Variants in CNTN4 observed in about 807,000 individuals in gnomAD.
CNTN4 encodes contactin-4.
In CNTN4, 77 loss-of-function variants were observed where a neutral mutation model predicts 122.5. That is an observed-to-expected ratio of 0.63 (90% CI 0.52 to 0.76). The LOEUF is 0.76. Among genes scored for constraint, CNTN4 ranks in the 30% least tolerant of loss-of-function variants. The pLI is 0.00. For missense variants in CNTN4, 1,256 were observed against 1,259.1 expected (o/e 1.00, Z 0.04); for synonymous variants, 512 against 447.0 (o/e 1.15, Z -1.83).
At chr3:2,833,323 T>C (rs553579400) in intron 7 of CNTN4, among the ~76,000 whole-genome samples, 1 of 152,302 alleles carries the variant, frequency 6.6e-6, no homozygotes, top group South Asian at 2.1e-4. Context: ...AAATAAACAT[T>C]GTAGCAAATT....
chr3:2,296,371 TCTC>T (rs2042311298), intron 2 of CNTN4, among the ~76,000 whole-genome samples: 1 of 152,166 alleles, frequency 6.6e-6, no homozygotes, highest in African/African-American at 2.4e-5. Flanking sequence ...GGTTTGTAGT[TCTC>T]CTTGAAGAGG....
chr3:3,011,314 A>T (rs1038977013), intron 14 of CNTN4, among the ~76,000 whole-genome samples: 2 of 152,204 alleles, frequency 1.3e-5, no homozygotes, highest in Non-Finnish European at 2.9e-5. Flanking sequence ...AAATCAGCAT[A>T]GCAAACTATC....
chr3:2,356,403 C>G (rs552358871), intron 3 of CNTN4, among the ~76,000 whole-genome samples: 1 of 152,066 alleles, frequency 6.6e-6, no homozygotes, highest in African/African-American at 2.4e-5. Flanking sequence ...AGTTCCTCCC[C>G]TTTTTAGACC....
rs1029886247 is a variant in CNTN4 at position 2,890,691 on chromosome 3, C to T, written c.940+3467C>T. Among the ~76,000 whole-genome samples, 5 of 152,178 alleles carry T rather than the reference C, an allele frequency of 3.3e-5. No homozygotes were observed. The East Asian group carries it at 9.6e-4, about 29-fold the overall frequency. On this transcript the variant is annotated intron_variant, in intron 10 of 24. Coordinates refer to ENST00000418658, the MANE Select transcript of CNTN4 (RefSeq NM_175607.3). ...GTTCCCAGTGTCTGAATAATGGAAGCCCTATTGCCCTTTGGTTTGTCCCTA... is the reference window on the plus strand; with the variant it reads ...GTTCCCAGTGTCTGAATAATGGAAGTCCTATTGCCCTTTGGTTTGTCCCTA...
intron 2 of CNTN4, among the ~76,000 whole-genome samples, chr3:2,227,434 G>A (rs1313730319): frequency 6.6e-6 from 1 of 152,164 alleles, no homozygotes; most frequent in Non-Finnish European, 1.5e-5. Context: ...AATAGTTAGT[G>A]TCCTTTTTCA....
At chr3:2,327,153 T>G (rs72992065) in intron 2 of CNTN4, among the ~76,000 whole-genome samples, 12 of 113,970 alleles carry the variant, frequency 1.1e-4, no homozygotes, top group Admixed American at 1.7e-4. Context: ...GTGTGTGTGT[T>G]TGTGTGTGTG....
intron 3 of CNTN4, among the ~76,000 whole-genome samples, chr3:2,538,404 A>G (rs1335094269): frequency 6.6e-6 from 1 of 152,148 alleles, no homozygotes; most frequent in African/African-American, 2.4e-5. Flanking sequence ...AACATTTCAT[A>G]AACTATTCTT....
chr3:2,587,414 T>A (rs199499066), intron 4 of CNTN4, among the ~76,000 whole-genome samples: 1 of 152,224 alleles, frequency 6.6e-6, no homozygotes, highest in East Asian at 1.9e-4. Context: ...CAAATATTAT[T>A]TGCACACAAA....
chr3:2,386,581 G>A (rs549680529), intron 3 of CNTN4, among the ~76,000 whole-genome samples: 2 of 152,266 alleles, frequency 1.3e-5, no homozygotes, highest in South Asian at 2.1e-4. Context: ...AGACGTTTAT[G>A]TAAGAGAAGC....
intron 3 of CNTN4, among the ~76,000 whole-genome samples, chr3:2,397,876 CT>C (rs1352588093): frequency 5.3e-5 from 8 of 152,090 alleles, no homozygotes; most frequent in Non-Finnish European, 1.5e-5. Flanking sequence ...CCCCAGTGCT[CT>C]TTGACTTAAA....
chr3:2,773,173 A>G (rs1014439894), intron 6 of CNTN4, among the ~76,000 whole-genome samples: 3 of 152,090 alleles, frequency 2.0e-5, no homozygotes, highest in African/African-American at 7.2e-5. Context: ...TAGAGAAAGC[A>G]AGGGTATACC....
At chr3:2,370,981 T>A (rs943823280) in intron 3 of CNTN4, among the ~76,000 whole-genome samples, 2 of 152,212 alleles carry the variant, frequency 1.3e-5, no homozygotes, top group African/African-American at 4.8e-5. Flanking sequence ...GTTCTTGCAT[T>A]GCTTGGCAAT....
At chr3:2,240,256 T>A (rs529865454) in intron 2 of CNTN4, among the ~76,000 whole-genome samples, 2 of 152,300 alleles carry the variant, frequency 1.3e-5, no homozygotes, top group African/African-American at 4.8e-5. Context: ...TAGATATTCA[T>A]TTGAGATATG....
At chr3:2,430,132 TG>T (rs1219595938) in intron 3 of CNTN4, among the ~76,000 whole-genome samples, 1 of 151,866 alleles carries the variant, frequency 6.6e-6, no homozygotes, top group Non-Finnish European at 1.5e-5. Flanking sequence ...CAGTTAGAAA[TG>T]CAGAAATTGG....
At chr3:2,576,266 A>G (rs1277606587) in intron 4 of CNTN4, among the ~76,000 whole-genome samples, 2 of 152,196 alleles carry the variant, frequency 1.3e-5, no homozygotes, top group East Asian at 1.9e-4. Flanking sequence ...GTGCAATTCA[A>G]TAAATATTTT....
rs187928165 is a variant in CNTN4 at position 2,872,993 on chromosome 3, T to C, written c.652+6044T>C. Among the ~76,000 whole-genome samples, 6 of 152,290 alleles carry C rather than the reference T, an allele frequency of 3.9e-5. No individual in the cohort carries two copies. In the East Asian group the frequency reaches 7.7e-4, roughly 20 times the overall value. ...ATAAGAGCAGCATTGAAGTATTTAA[T>C]CTTCTCATCTTAAATCAAGCTTTCA... is the stretch of plus-strand genomic sequence containing the variant. On this transcript the variant is annotated intron_variant, in intron 8 of 24. Coordinates refer to ENST00000418658, the MANE Select transcript of CNTN4 (RefSeq NM_175607.3).
chr3:2,636,305 C>T (rs570258330), intron 4 of CNTN4, among the ~76,000 whole-genome samples: 26 of 152,278 alleles, frequency 1.7e-4, no homozygotes, highest in African/African-American at 6.0e-4. Context: ...GTACTTCATC[C>T]CCTCTCTTCT....
chr3:2,882,984 C>A (rs1177802982), intron 8 of CNTN4, 161 bp from the exon 9 acceptor site: 2 of 590,724 alleles, frequency 3.4e-6, no homozygotes, highest in Non-Finnish European at 6.1e-6. Flanking sequence ...GGGAGAAGAG[C>A]CACAATTCAT....
At chr3:2,269,662 G>T (rs2041191502) in intron 2 of CNTN4, among the ~76,000 whole-genome samples, 1 of 152,064 alleles carries the variant, frequency 6.6e-6, no homozygotes, top group Admixed American at 6.6e-5. Flanking sequence ...CTTTGTCAGG[G>T]TTCTGAAATT....
Sources: allele counts gnomAD v4.1 joint callset (sites outside exome capture counted in the v4.1 genomes callset), GRCh38; gene constraint gnomAD v4.1.1; transcripts MANE v1.5; gene names NCBI Gene and HGNC (gene_info 2026-07-23, HGNC 2026-07-21).